The following FADS2 variants were observed in gnomAD, a reference collection of about 807,000 sequenced individuals.
The protein encoded by FADS2 is fatty acid desaturase 2.
FADS2 carries 18 observed loss-of-function variants against 61.2 expected under a neutral mutation model. The ratio of observed to expected loss-of-function variants is 0.29; its 90% CI spans 0.20 to 0.44. The LOEUF (loss-of-function observed/expected upper bound fraction) is 0.44, where lower values mean the gene tolerates loss of function less well. Among genes scored for constraint, FADS2 ranks in the 20% least tolerant of loss-of-function variants. The pLI, the probability that FADS2 is intolerant of heterozygous loss-of-function variation, is 1.00. For synonymous variants in FADS2, 203 were observed against 223.9 expected, an observed-to-expected ratio of 0.91 and a Z score of 0.83; for missense variants, 322 against 572.7, an observed-to-expected ratio of 0.56 and a Z score of 4.47.
chr11:61,857,615 G>A (rs780870004), intron 7 of FADS2, 85 bp downstream of exon 7: 1 of 1,216,090 alleles, frequency 8.2e-7, no homozygotes, highest in Admixed American at 1.7e-5. Flanking sequence ...GCCTCCTCGT[G>A]TGCCCCAGTG....
Position 61,841,818 on chromosome 11 carries a change from C to T in FADS2, c.618+1093C>T, listed in dbSNP as rs114761827. ...GCCTCAGATAGGGGACACCAAACTA[C>T]GGAATGATCAGCTGGCCCAAAGGAC... On this transcript the variant is annotated intron_variant, in intron 4 of 11. Transcript: ENST00000278840. Among the ~76,000 whole-genome samples, 1,100 of 152,216 alleles carry T rather than the reference C, an allele frequency of 7.2e-3. 17 individuals carry two copies. The highest frequency in any genetic ancestry group is 0.025 in the African/African-American group (1,056 of 41,520).
intron 5 of FADS2, chr11:61,854,539 G>GC (rs2135973184): frequency 6.6e-6 from 1 of 152,364 alleles, no homozygotes; most frequent in South Asian, 2.1e-4. Context: ...TTGTTGGGTA[G>GC]CCCCAGCTTT....
intron 5 of FADS2, among the ~76,000 whole-genome samples, chr11:61,850,906 C>T (rs1446359622): frequency 6.6e-6 from 1 of 152,144 alleles, no homozygotes; most frequent in East Asian, 1.9e-4. Flanking sequence ...AGCCTGGCTC[C>T]CCAGTTCTGG....
intron 5 of FADS2, among the ~76,000 whole-genome samples, chr11:61,851,709 T>C (rs916924): frequency 0.088 from 13,399 of 152,272 alleles, 931 homozygotes; most frequent in African/African-American, 0.18. Context: ...AGAGCAAGGA[T>C]GCCGGCCAGG....
upstream of FADS2, among the ~76,000 whole-genome samples, chr11:61,823,569 T>C (rs1004323477): frequency 7.2e-5 from 11 of 152,186 alleles, no homozygotes; most frequent in African/African-American, 2.4e-4. Flanking sequence ...CCAGCTGGAG[T>C]GCAGTGGCAC....
upstream of FADS2, chr11:61,828,045 G>T (rs2067097489): frequency 3.4e-6 from 4 of 1,169,138 alleles, no homozygotes; most frequent in Non-Finnish European, 4.2e-6. This position sits in a 1 kb window ranked among gnomAD's most constrained non-coding sequence, Gnocchi z 6.4. Flanking sequence ...AACCCGAGGC[G>T]GGGGGAGCCG....
intron 1 of FADS2, among the ~76,000 whole-genome samples, chr11:61,835,847 A>G (rs2067169771): frequency 2.0e-5 from 3 of 152,204 alleles, no homozygotes; most frequent in African/African-American, 7.2e-5. Context: ...TTTTGAAAAT[A>G]AGCTGCGTCA....
At chr11:61,818,741 GAA>G (rs2067010319) in intron 1 of FADS2, among the ~76,000 whole-genome samples, 2 of 152,234 alleles carry the variant, frequency 1.3e-5, no homozygotes, top group South Asian at 2.1e-4. Context: ...TTAAATAACA[GAA>G]GAGAGGTCCT....
chr11:61,845,279 GT>G (rs2067248110), intron 4 of FADS2, among the ~76,000 whole-genome samples: 1 of 152,036 alleles, frequency 6.6e-6, no homozygotes, highest in South Asian at 2.1e-4. Context: ...TTTGGGTTTG[GT>G]GTGATGAGGC....
intron 1 of FADS2, among the ~76,000 whole-genome samples, chr11:61,819,587 C>A (rs917200821): frequency 2.0e-5 from 3 of 152,146 alleles, no homozygotes; most frequent in African/African-American, 7.2e-5. Flanking sequence ...AAAAAATATT[C>A]ATTAAAGCAG....
intron 5 of FADS2, among the ~76,000 whole-genome samples, chr11:61,850,682 G>T (rs1279987827): frequency 6.6e-6 from 1 of 152,106 alleles, no homozygotes; most frequent in East Asian, 1.9e-4. Flanking sequence ...TATATGCGCT[G>T]CTTTTTGGAA....
upstream of FADS2, among the ~76,000 whole-genome samples, chr11:61,826,840 C>T (rs1344669239): frequency 6.6e-6 from 1 of 152,174 alleles, no homozygotes; most frequent in Non-Finnish European, 1.5e-5. Context: ...CCCACCACCC[C>T]TGCATTGCTG....
chr11:61,828,174 T>A (rs1293840072), upstream of FADS2: 2 of 1,411,700 alleles, frequency 1.4e-6, no homozygotes, highest in African/African-American at 2.9e-5. This position sits in a 1 kb window ranked among gnomAD's most constrained non-coding sequence, Gnocchi z 6.4. Context: ...TTGGGGGCAC[T>A]GGGAAGCCAG....
At chr11:61,845,347 C>A (rs2067248550) in intron 4 of FADS2, among the ~76,000 whole-genome samples, 1 of 152,166 alleles carries the variant, frequency 6.6e-6, no homozygotes, top group South Asian at 2.1e-4. Flanking sequence ...GTTCACCTCC[C>A]AGGCAGAGCA....
In FADS2 at chr11:61,865,591, C is replaced by T. The variant is rs759246862; in HGVS notation, c.1284-47C>T. Reference sequence around the variant, plus strand: ...TCCTCAGCCCTTGCACTCCCTGGGGCCACTCCCGTCCTGGTCCCTGACCCT... The same window carrying T: ...TCCTCAGCCCTTGCACTCCCTGGGGTCACTCCCGTCCTGGTCCCTGACCCT... On this transcript the variant is annotated intron_variant, in intron 11 of 11. Coordinates refer to ENST00000278840, the MANE Select transcript of FADS2 (RefSeq NM_004265.4). This position sits in a 1 kb window ranked among gnomAD's most constrained non-coding sequence, Gnocchi z 4.1. 1.3e-6 allele frequency: 2 copies of T among 1,571,016 alleles called. No individual in the cohort carries two copies. The highest frequency in any genetic ancestry group is 1.7e-5 in the Admixed American group (1 of 59,112).
intron 10 of FADS2, 176 bp downstream of exon 10, chr11:61,863,962 C>T (rs756482935): frequency 8.2e-5 from 49 of 598,832 alleles, no homozygotes; most frequent in Non-Finnish European, 1.4e-4. Context: ...AGGGGCTCCC[C>T]TATTCCATCT....
At chr11:61,849,976 G>A (rs1217346575) in intron 5 of FADS2, among the ~76,000 whole-genome samples, 1 of 152,144 alleles carries the variant, frequency 6.6e-6, no homozygotes, top group Non-Finnish European at 1.5e-5. Flanking sequence ...AGGCTGCAAT[G>A]AGCTATGATT....
intron 4 of FADS2, among the ~76,000 whole-genome samples, chr11:61,842,085 T>C (rs935604722): frequency 2.6e-5 from 4 of 152,222 alleles, no homozygotes; most frequent in African/African-American, 4.8e-5. Context: ...TGAGAAAAGC[T>C]GGGTCCTAAA....
At chr11:61,851,077 G>A (rs547503674) in intron 5 of FADS2, among the ~76,000 whole-genome samples, 3 of 152,304 alleles carry the variant, frequency 2.0e-5, no homozygotes, top group South Asian at 2.1e-4. Context: ...CAAAGTACAG[G>A]CTATTGTTAT....
Sources: allele counts gnomAD v4.1 joint callset (sites outside exome capture counted in the v4.1 genomes callset), GRCh38; gene constraint gnomAD v4.1.1; non-coding constraint Gnocchi (gnomAD v3.1); transcripts MANE v1.5; gene names NCBI Gene and HGNC (gene_info 2026-07-23, HGNC 2026-07-21).